The following MCTP1 variants were observed in gnomAD, a reference collection of about 807,000 sequenced individuals.
MCTP1 encodes the protein multiple C2 and transmembrane domain containing 1.
Under a neutral mutation model 120.6 loss-of-function variants are expected in MCTP1, and 69 were observed. That is an observed-to-expected ratio of 0.57 (90% CI 0.47 to 0.70). MCTP1 has a LOEUF of 0.70. MCTP1 is among the 30% of genes least tolerant of loss of function. MCTP1 has a pLI of 0.00. For synonymous variants in MCTP1, 529 were observed against 493.1 expected (o/e 1.07, Z -0.96); for missense variants, 1,203 against 1,248.8 (o/e 0.96, Z 0.55).
At chr5:95,074,725 T>C (rs912806918) in intron 1 of MCTP1, among the ~76,000 whole-genome samples, 3 of 152,202 alleles carry the variant, frequency 2.0e-5, no homozygotes, top group Non-Finnish European at 4.4e-5. Context: ...TCTATGGTTC[T>C]ACGTAGGGCG....
At chr5:95,234,522 G>A (rs528769774) in intron 1 of MCTP1, among the ~76,000 whole-genome samples, 1 of 152,272 alleles carries the variant, frequency 6.6e-6, no homozygotes, top group South Asian at 2.1e-4. Flanking sequence ...CATCCTCCAA[G>A]AAGAGGGAAA....
At chr5:94,861,914 C>T (rs781448132) in intron 17 of MCTP1, among the ~76,000 whole-genome samples, 2 of 151,718 alleles carry the variant, frequency 1.3e-5, no homozygotes, top group African/African-American at 2.4e-5. Flanking sequence ...TGAAGTGGGG[C>T]AGCATCCATA....
At chr5:95,217,079 CAG>C (rs1753125940) in intron 1 of MCTP1, among the ~76,000 whole-genome samples, 2 of 152,164 alleles carry the variant, frequency 1.3e-5, no homozygotes, top group Admixed American at 1.3e-4. Flanking sequence ...AGCAACAAGA[CAG>C]ACTCACTTCT....
At chr5:95,141,628 G>C (rs1759938244) in intron 1 of MCTP1, among the ~76,000 whole-genome samples, 1 of 152,090 alleles carries the variant, frequency 6.6e-6, no homozygotes, top group Admixed American at 6.6e-5. Context: ...GATCATCACT[G>C]TTCTGCTCAT....
intron 2 of MCTP1, among the ~76,000 whole-genome samples, chr5:94,965,368 C>T (rs552231506): frequency 2.6e-5 from 4 of 152,278 alleles, no homozygotes; most frequent in South Asian, 4.1e-4. Flanking sequence ...TCTCTCTAGT[C>T]CTCACACCAT....
chr5:95,188,584 T>A (rs9314132), intron 1 of MCTP1, among the ~76,000 whole-genome samples: 1 of 152,010 alleles, frequency 6.6e-6, no homozygotes, highest in Admixed American at 6.6e-5. Context: ...AAAATGTCAA[T>A]CTTAAAAGTT....
chr5:94,968,314 A>G (rs747557037), intron 2 of MCTP1, among the ~76,000 whole-genome samples: 2 of 152,186 alleles, frequency 1.3e-5, no homozygotes, highest in Non-Finnish European at 2.9e-5. Flanking sequence ...AACGTTCACT[A>G]TGACTTTCCA....
At chr5:94,792,943 A>C (rs1385683217) in intron 18 of MCTP1, 1 of 152,216 alleles carries the variant, frequency 6.6e-6, no homozygotes, top group Non-Finnish European at 1.5e-5. Flanking sequence ...AATATTATAA[A>C]AACATATAAG....
chr5:95,063,963 A>C (rs1749944358), intron 1 of MCTP1, among the ~76,000 whole-genome samples: 2 of 152,204 alleles, frequency 1.3e-5, no homozygotes, highest in Non-Finnish European at 2.9e-5. Flanking sequence ...AGTGGGAGGC[A>C]GGGAGATAGA....
intron 17 of MCTP1, among the ~76,000 whole-genome samples, chr5:94,804,583 C>T (rs1008799495): frequency 6.6e-5 from 10 of 151,860 alleles, no homozygotes; most frequent in East Asian, 1.9e-4. Flanking sequence ...GGACTACAGG[C>T]GCCCGCCACC....
chr5:94,778,926 C>A (rs1775997302), intron 19 of MCTP1, among the ~76,000 whole-genome samples, 184 bp downstream of exon 19: 1 of 152,178 alleles, frequency 6.6e-6, no homozygotes. Flanking sequence ...TGGACAAAAG[C>A]AAAGAGGATT....
rs1754327009 is a variant in MCTP1, at chr5:94,705,472, A to C, written c.*2024T>G. ...TCCAAGTGACATATAGTTTTTAAGA[A>C]TATGCACACAATCCCTCATCAATCT... is the stretch of plus-strand genomic sequence containing the variant. On this transcript the variant is annotated 3_prime_UTR_variant, in exon 23 of 23. Transcript: ENST00000515393. 2 of 150,180 alleles carry C rather than the reference A, an allele frequency of 1.3e-5. No individual in the cohort carries two copies. Among genetic ancestry groups the C allele is most frequent in the South Asian group, 2.1e-4 (1 of 4,790 alleles). 9.3% of individuals were successfully genotyped at this position (150,180 alleles called of 1,614,324 possible). A position where few individuals can be genotyped will look rare whatever the true frequency, so the allele number is the denominator to read the frequency against.
At chr5:94,773,931 G>GACTAGGTTGTGTTCTGT (rs1472306661) in intron 19 of MCTP1, among the ~76,000 whole-genome samples, 6 of 111,016 alleles carry the variant, frequency 5.4e-5, no homozygotes, top group South Asian at 6.6e-4. Flanking sequence ...GAAATAGGCC[G>GACTAGGTTGTGTTCTGT]GGCGCGGTGG....
chr5:94,738,061 A>G (rs775048027), intron 19 of MCTP1, among the ~76,000 whole-genome samples: 35 of 152,352 alleles, frequency 2.3e-4, no homozygotes, highest in Admixed American at 5.2e-4. Context: ...ATGCGTGCTC[A>G]CCACCTAGTG....
intron 2 of MCTP1, among the ~76,000 whole-genome samples, chr5:94,994,894 T>A (rs2153624173): frequency 6.6e-6 from 1 of 152,282 alleles, no homozygotes; most frequent in African/African-American, 2.4e-5. Context: ...ACCTTGAACA[T>A]CAGACTCCAA....
intron 17 of MCTP1, among the ~76,000 whole-genome samples, chr5:94,854,765 A>T (rs1170596433): frequency 1.3e-5 from 2 of 151,956 alleles, no homozygotes; most frequent in Non-Finnish European, 2.9e-5. Flanking sequence ...AGCATTGGCA[A>T]AGCTTAAATC....
chr5:94,852,826 C>T (rs1794011555), intron 17 of MCTP1, among the ~76,000 whole-genome samples: 1 of 151,880 alleles, frequency 6.6e-6, no homozygotes, highest in African/African-American at 2.4e-5. Flanking sequence ...TTACTTTTAT[C>T]TTTGTTACAT....
chr5:94,736,579 A>G (rs1257627023), intron 19 of MCTP1, among the ~76,000 whole-genome samples: 1 of 152,176 alleles, frequency 6.6e-6, no homozygotes, highest in Admixed American at 6.5e-5. Flanking sequence ...AACCCTGAGA[A>G]CTTAGTGTAA....
rs79106884 is a variant in MCTP1, at chr5:95,263,140, C to A, written c.720+20716G>T. On this transcript the variant is annotated intron_variant, in intron 1 of 22. Coordinates refer to ENST00000515393, the MANE Select transcript of MCTP1 (RefSeq NM_024717.7). ...AGAGTTCACTAGGAAGCTATGTTTA[C>A]TGGCTTCATTTGCCCAGAGAAGCAA... Among the ~76,000 whole-genome samples the A allele has an allele frequency of 6.2e-3, 947 of 152,312 alleles. 9 individuals are homozygous for A. Among genetic ancestry groups the A allele is most frequent in the Non-Finnish European group, 9.9e-3 (671 of 68,014 alleles).
Sources: allele counts gnomAD v4.1 joint callset (sites outside exome capture counted in the v4.1 genomes callset), GRCh38; gene constraint gnomAD v4.1.1; transcripts MANE v1.5; gene names NCBI Gene and HGNC (gene_info 2026-07-23, HGNC 2026-07-21).